ANK1: variants seen among roughly 807,000 people sequenced by gnomAD.
ANK1 encodes ankyrin-1.
In ANK1, 51 loss-of-function variants were observed where a neutral mutation model predicts 210.4. The observed-to-expected ratio is 0.24, with a 90% CI of 0.19 to 0.31. The LOEUF (loss-of-function observed/expected upper bound fraction) is 0.31. Ranked by LOEUF, ANK1 falls within the 10% of genes least tolerant of loss-of-function variation. ANK1 has a pLI of 1.00. For synonymous variants in ANK1, 967 were observed against 1,025.9 expected, an observed-to-expected ratio of 0.94 and a Z score of 1.10; for missense variants, 2,051 against 2,504.4, an observed-to-expected ratio of 0.82 and a Z score of 3.86.
chr8:41,849,405 T>C (rs1810737371), intron 1 of ANK1, among the ~76,000 whole-genome samples: 1 of 152,056 alleles, frequency 6.6e-6, no homozygotes, highest in South Asian at 2.1e-4. Context: ...GTGCCTATAA[T>C]CCCAGCTACC....
chr8:41,697,579 G>T (rs954052973), intron 24 of ANK1: 8 of 305,852 alleles, frequency 2.6e-5, no homozygotes, highest in Non-Finnish European at 4.6e-5. Flanking sequence ...CTCCCTCCTG[G>T]TTCTGTGCTA....
intron 16 of ANK1, among the ~76,000 whole-genome samples, chr8:41,710,732 G>T (rs779353896): frequency 2.6e-5 from 4 of 152,220 alleles, no homozygotes; most frequent in Non-Finnish European, 4.4e-5. Flanking sequence ...CATTCCTCTG[G>T]CTGAGGACTG....
intron 1 of ANK1, among the ~76,000 whole-genome samples, chr8:41,764,660 G>T (rs1328885753): frequency 6.6e-6 from 1 of 152,102 alleles, no homozygotes; most frequent in Non-Finnish European, 1.5e-5. Context: ...GCTGTCTTCT[G>T]GTGTCTCTTC....
At chr8:41,815,971 G>A (rs1298089365) in intron 1 of ANK1, among the ~76,000 whole-genome samples, 2 of 152,164 alleles carry the variant, frequency 1.3e-5, no homozygotes, top group Non-Finnish European at 2.9e-5. Context: ...ATTCGATGAA[G>A]ATATCGAAGG....
At position 41,663,650 on chromosome 8, in the gene ANK1, T is replaced by C. The variant is rs1385349771; in HGVS notation, c.5478+9A>G. 3 of 1,613,248 alleles carry C rather than the reference T, an allele frequency of 1.9e-6. No individual in the cohort carries two copies. Among genetic ancestry groups the C allele is most frequent in the South Asian group, 2.2e-5 (2 of 91,058 alleles). ...CTCCCCAGCACAGAGGGGAACACTCTGCACCCACCTTCTTGGTGACAATGT... is the reference window on the plus strand; with the variant it reads ...CTCCCCAGCACAGAGGGGAACACTCCGCACCCACCTTCTTGGTGACAATGT... On this transcript the variant is annotated intron_variant, in intron 40 of 42. Coordinates refer to ENST00000289734, the MANE Select transcript of ANK1 (RefSeq NM_000037.4).
chr8:41,887,789 C>T (rs941036573), intron 1 of ANK1, among the ~76,000 whole-genome samples: 1 of 152,186 alleles, frequency 6.6e-6, no homozygotes, highest in Non-Finnish European at 1.5e-5. Context: ...AAGCATATTC[C>T]TATTTTCAAT....
At chr8:41,796,591 T>C (rs1258762992) in intron 1 of ANK1, among the ~76,000 whole-genome samples, 1 of 149,148 alleles carries the variant, frequency 6.7e-6, no homozygotes, top group African/African-American at 2.5e-5. Context: ...ATTGTACAGA[T>C]GCCACTAAAA....
At chr8:41,734,341 C>G (rs1014196107) in intron 2 of ANK1, among the ~76,000 whole-genome samples, 8 of 152,210 alleles carry the variant, frequency 5.3e-5, no homozygotes, top group Admixed American at 3.3e-4. Context: ...CTCACAACAC[C>G]CATGGTGACC....
upstream of ANK1, among the ~76,000 whole-genome samples, chr8:41,802,082 C>T (rs1308624171): frequency 2.0e-5 from 3 of 152,144 alleles, no homozygotes; most frequent in African/African-American, 4.8e-5. Context: ...CTCCGCCTCC[C>T]GGGTTCCAGC....
chr8:41,844,121 C>T (rs555832626), intron 1 of ANK1, among the ~76,000 whole-genome samples: 125 of 152,342 alleles, frequency 8.2e-4, no homozygotes, highest in Non-Finnish European at 1.4e-3. Flanking sequence ...AATCCTCCCA[C>T]CTCGGCTTCC....
chr8:41,863,641 T>C (rs1426415817), intron 1 of ANK1, among the ~76,000 whole-genome samples: 1 of 152,234 alleles, frequency 6.6e-6, no homozygotes, highest in African/African-American at 2.4e-5. Flanking sequence ...GGTTAAAGCC[T>C]AAGCTGGTTG....
At chr8:41,698,922 G>A (rs755181468) in intron 23 of ANK1, among the ~76,000 whole-genome samples, 7 of 151,826 alleles carry the variant, frequency 4.6e-5, no homozygotes, top group East Asian at 1.9e-4. Flanking sequence ...TCAGCCTCCC[G>A]AGTAGCTGGG....
chr8:41,806,624 G>C (rs145441971), intron 1 of ANK1, among the ~76,000 whole-genome samples: 15 of 152,300 alleles, frequency 9.8e-5, no homozygotes, highest in East Asian at 1.9e-4. Flanking sequence ...AGAATTGCTC[G>C]AGCCTGGGAG....
In ANK1 at chr8:41,696,507, G is replaced by A. The variant is rs1221629266; in HGVS notation, c.2816C>T (p.Pro939Leu). ...SRHNGLRVVI[P>L]PRTCAAPTRI... ...GGTGGGCGCTGCGCACGTCCGTGGC[G>A]GGATCACCACTCGCAGGCCGTTGTG... The change falls in exon 26 of 43, where the codon CCG becomes CTG. Residue 939 changes from proline (P) to leucine (L), a missense_variant. Pro to Leu is a moderately conservative substitution (Grantham distance 98, BLOSUM62 -3). Coordinates refer to ENST00000289734, the MANE Select transcript of ANK1 (RefSeq NM_000037.4). 1.9e-6 allele frequency: 3 copies of A among 1,613,466 alleles called. No individual in the cohort carries two copies. The highest frequency in any genetic ancestry group is 1.7e-6 in the Non-Finnish European group (2 of 1,180,006).
At chr8:41,876,171 G>A (rs1816554175) in intron 1 of ANK1, among the ~76,000 whole-genome samples, 1 of 152,110 alleles carries the variant, frequency 6.6e-6, no homozygotes, top group Admixed American at 6.5e-5. Context: ...CCGAGGCGGC[G>A]CTCCCCAGGC....
chr8:41,885,223 C>T (rs1587619412), intron 1 of ANK1, among the ~76,000 whole-genome samples: 3 of 152,080 alleles, frequency 2.0e-5, no homozygotes, highest in East Asian at 1.9e-4. Context: ...TGATGGTGCT[C>T]GGTACAGAAT....
intron 1 of ANK1, among the ~76,000 whole-genome samples, chr8:41,787,762 C>T (rs1446649291): frequency 6.6e-6 from 1 of 151,862 alleles, no homozygotes; most frequent in Non-Finnish European, 1.5e-5. Context: ...CTGCAGTGGG[C>T]CATGACCACA....
chr8:41,741,887 A>G (rs1303372942), intron 2 of ANK1, among the ~76,000 whole-genome samples: 1 of 152,154 alleles, frequency 6.6e-6, no homozygotes, highest in African/African-American at 2.4e-5. Flanking sequence ...CTCTTTCCAC[A>G]TGGTCCTAAC....
intron 1 of ANK1, chr8:41,828,901 C>T (rs1164185944): frequency 1.3e-5 from 2 of 152,288 alleles, no homozygotes; most frequent in African/African-American, 2.4e-5. Context: ...CCGCAGAAGT[C>T]GCGCGTGACC....
Sources: gnomAD v4.1 joint callset for allele counts (sites outside exome capture counted in the v4.1 genomes callset) on GRCh38, gnomAD v4.1.1 for gene constraint, MANE v1.5 for transcripts, NCBI Gene and HGNC (gene_info 2026-07-23, HGNC 2026-07-21) for gene names.